CASP5: variants seen among roughly 807,000 people sequenced by gnomAD.
CASP5 encodes caspase-5.
In CASP5, 42 loss-of-function variants were observed where a neutral mutation model predicts 45.2. That is an observed-to-expected ratio of 0.93 (90% CI 0.73 to 1.20). The LOEUF is 1.20. CASP5 is among the 50% of genes most tolerant of loss of function. The pLI is 0.00. For missense variants in CASP5, 512 were observed against 532.2 expected (o/e 0.96, Z 0.37); for synonymous variants, 209 against 186.2 (o/e 1.12, Z -1.00).
chr11:104,996,134 C>T (rs1451082265), intron 8 of CASP5, among the ~76,000 whole-genome samples: 2 of 152,096 alleles, frequency 1.3e-5, no homozygotes, highest in Admixed American at 6.5e-5. Flanking sequence ...ATTAAATATC[C>T]TTTGGGATAT....
chr11:105,003,746 G>A (rs111623152), intron 3 of CASP5, among the ~76,000 whole-genome samples: 16 of 152,140 alleles, frequency 1.1e-4, no homozygotes, highest in African/African-American at 3.9e-4. Flanking sequence ...TGCTGTGTCT[G>A]GGCAAGAGTG....
intron 3 of CASP5, 29 bp from the exon 4 acceptor site, chr11:105,003,412 G>A: frequency 7.7e-6 from 10 of 1,297,220 alleles, no homozygotes; most frequent in Non-Finnish European, 1.1e-5. Context: ...TATAAATTAT[G>A]GTTTCTGCCT....
intron 1 of CASP5, among the ~76,000 whole-genome samples, chr11:105,010,742 G>T (rs1862311265): frequency 6.6e-6 from 1 of 151,510 alleles, no homozygotes; most frequent in Non-Finnish European, 1.5e-5. Context: ...CAGGCTTTCA[G>T]TAATAATAAT....
intron 1 of CASP5, among the ~76,000 whole-genome samples, chr11:105,016,555 C>T (rs1862609803): frequency 6.6e-6 from 1 of 152,196 alleles, no homozygotes; most frequent in Non-Finnish European, 1.5e-5. Flanking sequence ...ACACACGGCA[C>T]CTGGAAAATC....
At chr11:105,007,616 G>C (rs1862074811) in intron 2 of CASP5, among the ~76,000 whole-genome samples, 1 of 151,954 alleles carries the variant, frequency 6.6e-6, no homozygotes, top group Non-Finnish European at 1.5e-5. Context: ...CTGGTCACCT[G>C]CTGCTTTCAT....
At chr11:104,998,783 C>A (rs1208424888) in intron 7 of CASP5, 102 bp downstream of exon 7, 1 of 1,142,762 alleles carries the variant, frequency 8.8e-7, no homozygotes, top group East Asian at 2.4e-5. Context: ...ACACACCATT[C>A]TCTCAGCTCA....
At chr11:105,011,949 C>A (rs1053759794) in intron 1 of CASP5, among the ~76,000 whole-genome samples, 1 of 151,634 alleles carries the variant, frequency 6.6e-6, no homozygotes, top group Admixed American at 6.6e-5. Context: ...CCTTAAAATT[C>A]ATATGGAATT....
chr11:105,002,445 C>G (rs1160976775), intron 4 of CASP5, among the ~76,000 whole-genome samples: 1 of 152,116 alleles, frequency 6.6e-6, no homozygotes, highest in African/African-American at 2.4e-5. Context: ...TTTTTCTTCT[C>G]CACCTACTCA....
chr11:105,000,745 T>C (rs1011006741), intron 5 of CASP5, among the ~76,000 whole-genome samples: 1 of 152,070 alleles, frequency 6.6e-6, no homozygotes, highest in African/African-American at 2.4e-5. Flanking sequence ...ATATATTGTA[T>C]ATTTTTATAT....
intron 5 of CASP5, among the ~76,000 whole-genome samples, chr11:105,001,715 A>G (rs1357933925): frequency 2.0e-5 from 3 of 152,160 alleles, no homozygotes; most frequent in African/African-American, 7.2e-5. Flanking sequence ...TTACTCTGTG[A>G]TTTTATGTGG....
chr11:105,011,265 A>G (rs1365858951), intron 1 of CASP5, among the ~76,000 whole-genome samples: 3 of 151,830 alleles, frequency 2.0e-5, no homozygotes, highest in Non-Finnish European at 4.4e-5. Context: ...GACTGAATGA[A>G]TATGTGGAGA....
chr11:105,007,458 G>T, intron 2 of CASP5, 124 bp from the exon 3 acceptor site: 1 of 925,888 alleles, frequency 1.1e-6, no homozygotes, highest in South Asian at 1.7e-5. Context: ...CATGTCTCCA[G>T]CGAATAACAC....
intron 8 of CASP5, 65 bp downstream of exon 8, chr11:104,997,318 G>C: frequency 8.7e-7 from 1 of 1,149,648 alleles, no homozygotes; most frequent in Non-Finnish European, 1.3e-6. Context: ...TATTCGATTA[G>C]TGAATAATGA....
chr11:105,016,336 C>A (rs1862588043), intron 1 of CASP5, among the ~76,000 whole-genome samples: 1 of 152,216 alleles, frequency 6.6e-6, no homozygotes, highest in Non-Finnish European at 1.5e-5. Flanking sequence ...CAGCTCCAGT[C>A]TACAGCTCCC....
At chr11:105,015,955 G>C (rs1000216970) in intron 1 of CASP5, among the ~76,000 whole-genome samples, 2 of 152,152 alleles carry the variant, frequency 1.3e-5, no homozygotes, top group Non-Finnish European at 2.9e-5. Context: ...TCGTGCCTTA[G>C]AGTGATTAAT....
chr11:105,021,100 A>G (rs1591182252), intron 1 of CASP5, among the ~76,000 whole-genome samples: 1 of 152,058 alleles, frequency 6.6e-6, no homozygotes, highest in South Asian at 2.1e-4. Context: ...AAAACTGGCT[A>G]GCCATATGTA....
At chr11:105,019,945 A>G (rs1214242009) in intron 1 of CASP5, among the ~76,000 whole-genome samples, 27 of 145,466 alleles carry the variant, frequency 1.9e-4, no homozygotes, top group Non-Finnish European at 3.2e-4. Context: ...GCACATCAAA[A>G]AGCTTATCCA....
At chr11:104,996,001 T>C (rs1861454407) in intron 8 of CASP5, among the ~76,000 whole-genome samples, 159 bp from the exon 9 acceptor site, 1 of 152,152 alleles carries the variant, frequency 6.6e-6, no homozygotes, top group African/African-American at 2.4e-5. Flanking sequence ...CTCTACCTCT[T>C]AGAATTGACA....
At chr11:105,005,822 G>A (rs1282936536) in intron 3 of CASP5, among the ~76,000 whole-genome samples, 2 of 152,048 alleles carry the variant, frequency 1.3e-5, no homozygotes, top group South Asian at 2.1e-4. Flanking sequence ...TTTAAAAACC[G>A]ATATTTTTTC....
Sources: gnomAD v4.1 joint callset for allele counts (sites outside exome capture counted in the v4.1 genomes callset) on GRCh38, gnomAD v4.1.1 for gene constraint, MANE v1.5 for transcripts, NCBI Gene and HGNC (gene_info 2026-07-23, HGNC 2026-07-21) for gene names.